DNAJC5: variants seen among roughly 807,000 people sequenced by gnomAD.
DNAJC5 encodes DnaJ heat shock protein family (Hsp40) member C5, also known as dnaJ homolog subfamily C member 5.
In DNAJC5, 1 loss-of-function variant was observed where a neutral mutation model predicts 23.2. The ratio of observed to expected loss-of-function variants is 0.04; its 90% CI spans 0.02 to 0.20. The LOEUF is 0.20. Ranked by LOEUF, DNAJC5 falls within the 10% of genes least tolerant of loss-of-function variation. The pLI, the probability that DNAJC5 is intolerant of heterozygous loss-of-function variation, is 1.00. For synonymous variants in DNAJC5, 136 were observed against 120.0 expected, an observed-to-expected ratio of 1.13 and a Z score of -0.87; for missense variants, 180 against 267.0, an observed-to-expected ratio of 0.67 and a Z score of 2.27.
intron 1 of DNAJC5, among the ~76,000 whole-genome samples, chr20:63,925,663 G>C (rs895760240): frequency 6.7e-6 from 1 of 149,720 alleles, no homozygotes; most frequent in Non-Finnish European, 1.5e-5. Flanking sequence ...CCGGGAACCC[G>C]CCCCATCTGC....
chr20:63,908,191 C>T (rs1438120438), intron 1 of DNAJC5, among the ~76,000 whole-genome samples: 12 of 152,162 alleles, frequency 7.9e-5, no homozygotes, highest in Non-Finnish European at 1.5e-5. Context: ...CTCTGAAACC[C>T]TATGTATGTG....
intron 1 of DNAJC5, among the ~76,000 whole-genome samples, chr20:63,900,224 G>A (rs144474726): frequency 5.7e-4 from 87 of 152,042 alleles, no homozygotes; most frequent in African/African-American, 1.8e-3. Flanking sequence ...TCAAGTGATC[G>A]TCCAACCAGC....
At chr20:63,917,695 A>G (rs1038987742) in intron 1 of DNAJC5, among the ~76,000 whole-genome samples, 2 of 152,054 alleles carry the variant, frequency 1.3e-5, no homozygotes, top group East Asian at 1.9e-4. Context: ...AGCTGGGACT[A>G]CAGGCATGCG....
chr20:63,905,417 T>A (rs889156865), intron 1 of DNAJC5, among the ~76,000 whole-genome samples: 3 of 151,770 alleles, frequency 2.0e-5, no homozygotes, highest in Admixed American at 1.3e-4. Flanking sequence ...CACCCGGGGC[T>A]GGATTTTTTT....
Position 63,930,864 on chromosome 20 carries a change from T to G in DNAJC5, c.335T>G (p.Phe112Cys). 1 of 1,613,060 alleles carries G rather than the reference T, an allele frequency of 6.2e-7. No homozygotes were observed. The highest frequency in any genetic ancestry group is 8.5e-7 in the Non-Finnish European group (1 of 1,179,960). ...TTCTCCCCCCAGGCCCTGTTTGTCT[T>G]CTGCGGCCTCCTCACGTGCTGCTAC... ...SSWWAKALFV[F>C]CGLLTCCYCC... The change falls in exon 4 of 5, where the codon TTC becomes TGC. Residue 112 changes from phenylalanine (F) to cysteine (C), a missense_variant. This residue lies in a region of DNAJC5 where 97 missense variants were observed against 123.4 expected (regional missense o/e 0.79). Transcript: ENST00000360864.
intron 1 of DNAJC5, among the ~76,000 whole-genome samples, chr20:63,899,754 TG>T (rs1442590345): frequency 6.6e-6 from 1 of 151,350 alleles, no homozygotes; most frequent in Non-Finnish European, 1.5e-5. Flanking sequence ...GCTAATTTTT[TG>T]TATTTTTAGT....
chr20:63,902,819 G>A (rs1032981011), intron 1 of DNAJC5, among the ~76,000 whole-genome samples: 6 of 151,002 alleles, frequency 4.0e-5, no homozygotes, highest in Non-Finnish European at 5.9e-5. Flanking sequence ...GGGACTACAG[G>A]CACCCGCCGC....
intron 1 of DNAJC5, among the ~76,000 whole-genome samples, chr20:63,915,694 G>A (rs2053511501): frequency 6.6e-6 from 1 of 152,216 alleles, no homozygotes; most frequent in Non-Finnish European, 1.5e-5. Flanking sequence ...GTGGCCACTG[G>A]TGCAGTCCTC....
chr20:63,903,422 C>T (rs568272086), intron 1 of DNAJC5, among the ~76,000 whole-genome samples: 1 of 152,260 alleles, frequency 6.6e-6, no homozygotes, highest in East Asian at 1.9e-4. Flanking sequence ...ATTCTCCTGC[C>T]TCAGCCTCTG....
At chr20:63,914,719 G>T (rs6062581) in intron 1 of DNAJC5, among the ~76,000 whole-genome samples, 8,225 of 150,762 alleles carry the variant, frequency 0.055, 434 homozygotes, top group East Asian at 0.23. Flanking sequence ...TAGTTCAAAC[G>T]ATTCTTCTGC....
In DNAJC5 at chr20:63,918,841, G is replaced by A. The variant is rs373330131; in HGVS notation, c.-11-9494G>A. Among the ~76,000 whole-genome samples, 17 of 152,284 alleles carry A rather than the reference G, an allele frequency of 1.1e-4. No homozygotes were observed. The East Asian group carries it at 1.5e-3, about 14-fold the overall frequency. On this transcript the variant is annotated intron_variant, in intron 1 of 4. Coordinates refer to ENST00000360864, the MANE Select transcript of DNAJC5 (RefSeq NM_025219.3). ...GATCTCCTGACCTTGTGACCCGCCC[G>A]CCTTGGCCTCCCAAAGTGCTGGGAT... is the stretch of plus-strand genomic sequence containing the variant.
At chr20:63,906,551 G>A (rs1435205236) in intron 1 of DNAJC5, among the ~76,000 whole-genome samples, 4 of 151,896 alleles carry the variant, frequency 2.6e-5, no homozygotes, top group South Asian at 2.1e-4. Context: ...TTGGGAGGCC[G>A]AGACGGGCAG....
intron 1 of DNAJC5, among the ~76,000 whole-genome samples, chr20:63,901,315 C>T (rs571478954): frequency 2.6e-5 from 4 of 152,314 alleles, no homozygotes; most frequent in Non-Finnish European, 5.9e-5. Flanking sequence ...GCTGGCAGGT[C>T]GGAAGATGGA....
intron 1 of DNAJC5, among the ~76,000 whole-genome samples, chr20:63,899,397 C>T (rs916720608): frequency 1.3e-5 from 2 of 152,108 alleles, no homozygotes; most frequent in African/African-American, 4.8e-5. Context: ...TTTTGTCTCT[C>T]ATCACCCTTT....
chr20:63,919,350 T>A, intron 1 of DNAJC5: 6 of 514,508 alleles, frequency 1.2e-5, no homozygotes, highest in Non-Finnish European at 1.9e-5. Context: ...AATGCTGAGC[T>A]GTGATGGCAC....
chr20:63,919,363 A>G, intron 1 of DNAJC5: 1 of 516,716 alleles, frequency 1.9e-6, no homozygotes. Context: ...GATGGCACCG[A>G]CGTGTCCGGG....
chr20:63,907,985 C>G (rs1460777413), intron 1 of DNAJC5, among the ~76,000 whole-genome samples: 1 of 152,158 alleles, frequency 6.6e-6, no homozygotes, highest in Non-Finnish European at 1.5e-5. Context: ...CGAGGCTAGT[C>G]TCGAACTCCT....
chr20:63,923,318 T>C (rs2053586658), intron 1 of DNAJC5, among the ~76,000 whole-genome samples: 1 of 151,670 alleles, frequency 6.6e-6, no homozygotes, highest in Non-Finnish European at 1.5e-5. Context: ...GGCACATTCC[T>C]GTAGTCTTAG....
intron 1 of DNAJC5, among the ~76,000 whole-genome samples, chr20:63,897,821 C>T (rs1191634981): frequency 6.6e-6 from 1 of 152,174 alleles, no homozygotes; most frequent in Non-Finnish European, 1.5e-5. Flanking sequence ...ACAGAGGCTG[C>T]TTGGTGACTT....
Sources: allele counts gnomAD v4.1 joint callset (sites outside exome capture counted in the v4.1 genomes callset), GRCh38; gene constraint gnomAD v4.1.1; regional missense constraint gnomAD v4.1.1; transcripts MANE v1.5; gene names NCBI Gene and HGNC (gene_info 2026-07-23, HGNC 2026-07-21).